Variants in SDK1 observed in about 807,000 individuals in gnomAD.
SDK1 encodes the protein sidekick cell adhesion molecule 1, also known as protein sidekick-1.
SDK1 carries 157 observed loss-of-function variants against 245.5 expected under a neutral mutation model. That is an observed-to-expected ratio of 0.64 (90% CI 0.56 to 0.73). SDK1 has a LOEUF of 0.73. Ranked by LOEUF, SDK1 falls within the 30% of genes least tolerant of loss-of-function variation. The pLI, the probability that SDK1 is intolerant of heterozygous loss-of-function variation, is 0.00. For missense variants in SDK1, 3,583 were observed against 3,002.3 expected (o/e 1.19, Z -4.52); for synonymous variants, 1,647 against 1,278.5 (o/e 1.29, Z -6.15).
At chr7:3,813,416 C>G (rs1033027013) in intron 4 of SDK1, among the ~76,000 whole-genome samples, 3 of 143,046 alleles carry the variant, frequency 2.1e-5, no homozygotes, top group African/African-American at 7.9e-5. Context: ...CCAATTTCAT[C>G]CATGTCCCTA....
rs1779928273 is a variant in SDK1 at position 3,930,286 on chromosome 7, C to G, written c.848-20637C>G. Among the ~76,000 whole-genome samples, 3 of 152,200 alleles carry G rather than the reference C, an allele frequency of 2.0e-5. No homozygotes were observed. The South Asian group carries it at 6.2e-4, about 32-fold the overall frequency. ...AAAACATGCCCTTTTCTTCGAATAA[C>G]TCAGAACTAGACTCCCAGAGCATGG... On this transcript the variant is annotated intron_variant, in intron 5 of 44. Coordinates refer to ENST00000404826, the MANE Select transcript of SDK1 (RefSeq NM_152744.4).
chr7:3,415,012 T>C lies in SDK1; in HGVS notation c.298+113128T>C, dbSNP rs563535713. ...GGTTGTTTTGACTTTTCGGCTATTA[T>C]GCATAACACTGCTATGAACATTTGT... is the stretch of plus-strand genomic sequence containing the variant. On this transcript the variant is annotated intron_variant, in intron 1 of 44. Coordinates refer to ENST00000404826, the MANE Select transcript of SDK1 (RefSeq NM_152744.4). Among the ~76,000 whole-genome samples, 5 of 152,372 alleles carry C rather than the reference T, an allele frequency of 3.3e-5. No homozygotes were observed. The East Asian group carries it at 7.7e-4, about 23-fold the overall frequency.
chr7:3,576,334 C>T (rs1453277742), intron 1 of SDK1, among the ~76,000 whole-genome samples: 1 of 152,096 alleles, frequency 6.6e-6, no homozygotes, highest in African/African-American at 2.4e-5. Flanking sequence ...ACACTGTGTA[C>T]TTCTGTGTGA....
chr7:4,193,183 TA>T (rs1432847682), intron 35 of SDK1, among the ~76,000 whole-genome samples: 1 of 134,336 alleles, frequency 7.4e-6, no homozygotes, highest in African/African-American at 2.8e-5. Flanking sequence ...ATATATTGTA[TA>T]AATATATTAA....
intron 31 of SDK1, among the ~76,000 whole-genome samples, chr7:4,160,033 A>G (rs1236151679): frequency 1.3e-5 from 2 of 152,224 alleles, no homozygotes; most frequent in African/African-American, 4.8e-5. Context: ...CAAATACTGC[A>G]CCACTTTATT....
At chr7:3,502,295 G>A (rs888787834) in intron 1 of SDK1, among the ~76,000 whole-genome samples, 2 of 151,948 alleles carry the variant, frequency 1.3e-5, no homozygotes, top group Non-Finnish European at 2.9e-5. Flanking sequence ...TGGCCACCAG[G>A]CTGGAGTGCA....
At position 3,429,225 on chromosome 7, in the gene SDK1, G is replaced by GA. The variant is rs1404029851; in HGVS notation, c.298+127347dup. ...TCAGTTGTGGATAGATGAAGGCTGA[G>GA]AAAAAATATGATAAAAGGCTTTTTT... On this transcript the variant is annotated intron_variant, in intron 1 of 44. Coordinates refer to ENST00000404826, the MANE Select transcript of SDK1 (RefSeq NM_152744.4). Among the ~76,000 whole-genome samples, 12 of 64,796 alleles carry GA rather than the reference G, an allele frequency of 1.9e-4. No individual in the cohort carries two copies. In the South Asian group the frequency reaches 2.1e-3, roughly 11 times the overall value. The allele number at this position is 64,796 out of a possible 152,430, so 42.5% of individuals were successfully genotyped here.
Position 4,220,234 on chromosome 7 carries a change from G to C in SDK1, c.5665G>C (p.Glu1889Gln), listed in dbSNP as rs1234786844. Residue 1889 changes from glutamate to glutamine, a missense_variant, in exon 39 of 45, where the codon GAG becomes CAG. Transcript: ENST00000404826. Reference protein sequence around the residue: ...VQARTITYGPELQANITAGPA... With the variant: ...VQARTITYGPQLQANITAGPA... ...AGCGCGGACCATCACCTACGGGCCC[G>C]AGCTCCAAGCCAATATCACAGCCGG... 1 of 1,613,798 alleles carries C rather than the reference G, an allele frequency of 6.2e-7. No homozygotes were observed. Among genetic ancestry groups the C allele is most frequent in the South Asian group, 1.1e-5 (1 of 91,058 alleles).
Position 4,261,376 on chromosome 7 carries a change from A to C in SDK1, c.6382-3748A>C, listed in dbSNP as rs540573520. On this transcript the variant is annotated intron_variant, in intron 44 of 44. Coordinates refer to ENST00000404826, the MANE Select transcript of SDK1 (RefSeq NM_152744.4). ...TCCTGCAAAATTAGGGGAGCTGGCA[A>C]CTCTCCCATCCCCTGCCCACCCCCG... Among the ~76,000 whole-genome samples the C allele has an allele frequency of 1.4e-4, 22 of 151,738 alleles. 1 individual carries two copies. Among genetic ancestry groups the C allele is most frequent in the African/African-American group, 5.1e-4 (21 of 41,360 alleles).
At chr7:3,860,712 T>C (rs1053599234) in intron 5 of SDK1, among the ~76,000 whole-genome samples, 3 of 152,208 alleles carry the variant, frequency 2.0e-5, no homozygotes, top group African/African-American at 7.2e-5. Context: ...CTTGGAGGCC[T>C]GTATTCATCT....
At chr7:3,422,689 G>A (rs775816107) in intron 1 of SDK1, among the ~76,000 whole-genome samples, 2 of 152,110 alleles carry the variant, frequency 1.3e-5, no homozygotes, top group Non-Finnish European at 2.9e-5. Context: ...CATATCTAAT[G>A]AAATGATTGA....
rs62437954 is a variant in SDK1, at chr7:3,863,945, C to T, written c.847+42362C>T. ...TGCTTACAGTTTCTTTGGGTATATA[C>T]CTGGGAGTGGAATTGCTGGGTTGCA... On this transcript the variant is annotated intron_variant, in intron 5 of 44. Transcript: ENST00000404826. 1.0e-3 allele frequency among the ~76,000 whole-genome samples: 158 copies of T among 152,176 alleles called. 1 individual carries two copies. The highest frequency in any genetic ancestry group is 3.4e-3 in the African/African-American group (141 of 41,522).
At chr7:3,797,832 G>T (rs1360139009) in intron 4 of SDK1, among the ~76,000 whole-genome samples, 3 of 152,068 alleles carry the variant, frequency 2.0e-5, no homozygotes, top group African/African-American at 7.2e-5. Flanking sequence ...ATATATTAAT[G>T]ATTTATATCC....
chr7:3,934,781 G>A (rs1306335665), intron 5 of SDK1, among the ~76,000 whole-genome samples: 1 of 152,214 alleles, frequency 6.6e-6, no homozygotes, highest in African/African-American at 2.4e-5. Context: ...CAACAAAGAT[G>A]TACGTGCAAT....
At chr7:3,828,319 C>T (rs989236416) in intron 5 of SDK1, among the ~76,000 whole-genome samples, 3 of 151,736 alleles carry the variant, frequency 2.0e-5, no homozygotes, top group Non-Finnish European at 2.9e-5. Context: ...TACTATATGA[C>T]TTTTGGCATA....
chr7:3,861,878 C>G (rs1583487363), intron 5 of SDK1, among the ~76,000 whole-genome samples: 1 of 152,300 alleles, frequency 6.6e-6, no homozygotes, highest in East Asian at 1.9e-4. Flanking sequence ...TTGTGTTTAT[C>G]TGTCCCAGTG....
chr7:3,562,257 C>T (rs953720429), intron 1 of SDK1, among the ~76,000 whole-genome samples: 1 of 152,232 alleles, frequency 6.6e-6, no homozygotes, highest in Non-Finnish European at 1.5e-5. Flanking sequence ...AACCTGCCAT[C>T]ATCAGCTTTG....
intron 38 of SDK1, among the ~76,000 whole-genome samples, chr7:4,218,629 T>G (rs1784969511): frequency 3.9e-5 from 6 of 152,160 alleles, no homozygotes; most frequent in Admixed American, 3.9e-4. Flanking sequence ...AGGTGCTGAC[T>G]AGCAGCGCAC....
intron 5 of SDK1, among the ~76,000 whole-genome samples, chr7:3,917,730 A>G (rs111505808): frequency 5.3e-4 from 81 of 152,156 alleles, no homozygotes; most frequent in Non-Finnish European, 5.7e-4. Flanking sequence ...AGGAGGAAAA[A>G]CTGAGACTTC....
Sources: allele counts gnomAD v4.1 joint callset (sites outside exome capture counted in the v4.1 genomes callset), GRCh38; gene constraint gnomAD v4.1.1; transcripts MANE v1.5; gene names NCBI Gene and HGNC (gene_info 2026-07-23, HGNC 2026-07-21).